Variants in KDM4C observed in about 807,000 individuals in gnomAD.
The protein encoded by KDM4C is lysine demethylase 4C, also known as lysine-specific demethylase 4C.
A neutral mutation model predicts 129.3 loss-of-function variants in KDM4C; 81 were observed. The ratio of observed to expected loss-of-function variants is 0.63; its 90% CI spans 0.52 to 0.75. The LOEUF (loss-of-function observed/expected upper bound fraction) is 0.75, where lower values mean the gene tolerates loss of function less well. Ranked by LOEUF, KDM4C falls within the 30% of genes least tolerant of loss-of-function variation. The pLI, the probability that KDM4C is intolerant of heterozygous loss-of-function variation, is 0.00. For missense variants in KDM4C, 1,457 were observed against 1,304.0 expected, an observed-to-expected ratio of 1.12 and a Z score of -1.81; for synonymous variants, 573 against 456.1, an observed-to-expected ratio of 1.26 and a Z score of -3.26.
At chr9:7,017,731 A>G (rs1823942574) in intron 15 of KDM4C, among the ~76,000 whole-genome samples, 1 of 152,202 alleles carries the variant, frequency 6.6e-6, no homozygotes, top group Non-Finnish European at 1.5e-5. Flanking sequence ...AGCAGCATTT[A>G]CTTTATTCCT....
intron 18 of KDM4C, among the ~76,000 whole-genome samples, chr9:7,123,966 C>T (rs1475605228): frequency 6.6e-6 from 1 of 152,186 alleles, no homozygotes; most frequent in Non-Finnish European, 1.5e-5. Context: ...GTTGACTCAC[C>T]TGAGCTGAAG....
chr9:7,103,619 T>G, intron 17 of KDM4C, 66 bp from the exon 18 acceptor site: 1 of 1,244,318 alleles, frequency 8.0e-7, no homozygotes, highest in Non-Finnish European at 1.2e-6. Flanking sequence ...TATTGTTCTG[T>G]AAATTGTGGG....
At chr9:6,744,335 C>G (rs546462836) in intron 1 of KDM4C, among the ~76,000 whole-genome samples, 3 of 152,184 alleles carry the variant, frequency 2.0e-5, no homozygotes, top group Admixed American at 6.6e-5. Flanking sequence ...ACCATCCTGG[C>G]TAACATGGTG....
intron 19 of KDM4C, among the ~76,000 whole-genome samples, chr9:7,130,063 T>C (rs936222346): frequency 4.6e-5 from 7 of 152,246 alleles, no homozygotes; most frequent in Middle Eastern, 6.8e-3. Flanking sequence ...TGAAAAGCCA[T>C]TGGTAGAATG....
chr9:7,151,565 T>C (rs1564182287), intron 19 of KDM4C, among the ~76,000 whole-genome samples: 1 of 152,036 alleles, frequency 6.6e-6, no homozygotes, highest in African/African-American at 2.4e-5. Context: ...TTCTCAGCTA[T>C]TTGGGAGGCT....
intron 8 of KDM4C, among the ~76,000 whole-genome samples, chr9:6,962,503 T>C (rs1298213754): frequency 6.6e-6 from 1 of 152,234 alleles, no homozygotes; most frequent in Non-Finnish European, 1.5e-5. Flanking sequence ...AAACAAAGTA[T>C]GAGCAATGAT....
At chr9:7,163,182 C>T (rs1003561727) in intron 19 of KDM4C, among the ~76,000 whole-genome samples, 3 of 151,956 alleles carry the variant, frequency 2.0e-5, no homozygotes, top group African/African-American at 7.3e-5. Context: ...TTGCAGGCAC[C>T]CTTAGTACCT....
intron 1 of KDM4C, chr9:6,734,619 ATT>A (rs1563917003): frequency 4.0e-6 from 1 of 251,268 alleles, no homozygotes; most frequent in African/African-American, 2.3e-5. Flanking sequence ...CTTGCCCTTT[ATT>A]AGCATTTGGA....
chr9:6,983,475 G>T (rs1817117378), intron 9 of KDM4C, among the ~76,000 whole-genome samples: 2 of 152,022 alleles, frequency 1.3e-5, no homozygotes, highest in South Asian at 4.1e-4. Flanking sequence ...GGTGGCTCAT[G>T]CCTGTTATCC....
At chr9:6,919,223 C>T (rs12684965) in intron 8 of KDM4C, among the ~76,000 whole-genome samples, 47,113 of 97,360 alleles carry the variant, frequency 0.48, 12,534 homozygotes, top group Non-Finnish European at 0.53. Context: ...TTTCTTTTTC[C>T]TTCTTTCTTT....
At chr9:6,836,807 T>A (rs1835961631) in intron 4 of KDM4C, among the ~76,000 whole-genome samples, 1 of 152,226 alleles carries the variant, frequency 6.6e-6, no homozygotes. Flanking sequence ...CTGTATAATA[T>A]TCTACTTTGT....
intron 8 of KDM4C, among the ~76,000 whole-genome samples, chr9:6,916,646 G>A (rs1269533587): frequency 6.6e-6 from 1 of 152,114 alleles, no homozygotes; most frequent in Non-Finnish European, 1.5e-5. Flanking sequence ...TTAGTTACAG[G>A]CAAGATAATT....
chr9:7,061,142 A>T (rs753435521), intron 17 of KDM4C, among the ~76,000 whole-genome samples: 4 of 152,196 alleles, frequency 2.6e-5, no homozygotes, highest in Admixed American at 2.0e-4. Flanking sequence ...GGTCAGTTGC[A>T]CTATACAGAT....
chr9:6,756,252 A>G (rs998078594), upstream of KDM4C, among the ~76,000 whole-genome samples: 8 of 152,236 alleles, frequency 5.3e-5, no homozygotes, highest in African/African-American at 1.9e-4. Context: ...ATTTATTAAT[A>G]CATGTGAAGC....
rs115001732 is a variant in KDM4C, at chr9:6,899,864, G to A, written c.921+6632G>A. On this transcript the variant is annotated intron_variant, in intron 8 of 21. Transcript: ENST00000381309. ...TATGGGATTTGAAAGGAAGTGATAAGCCTCATGATGCTGATGTTTAGTTCT... is the reference window on the plus strand; with the variant it reads ...TATGGGATTTGAAAGGAAGTGATAAACCTCATGATGCTGATGTTTAGTTCT... 5.2e-3 allele frequency among the ~76,000 whole-genome samples: 793 copies of A among 152,222 alleles called. 5 individuals are homozygous for A. The highest frequency in any genetic ancestry group is 0.017 in the African/African-American group (725 of 41,532).
chr9:6,950,342 T>G (rs770260780), intron 8 of KDM4C, among the ~76,000 whole-genome samples: 9 of 152,154 alleles, frequency 5.9e-5, no homozygotes, highest in Non-Finnish European at 1.3e-4. Flanking sequence ...GAAATCTATG[T>G]TTAGAATGAA....
At chr9:6,908,794 T>A (rs2131056073) in intron 8 of KDM4C, among the ~76,000 whole-genome samples, 2 of 152,290 alleles carry the variant, frequency 1.3e-5, no homozygotes, top group South Asian at 4.1e-4. Flanking sequence ...ACAGGTAATA[T>A]CATCTTGGGC....
At chr9:7,108,135 A>C (rs182936999) in intron 18 of KDM4C, among the ~76,000 whole-genome samples, 2 of 152,156 alleles carry the variant, frequency 1.3e-5, no homozygotes, top group Non-Finnish European at 2.9e-5. Context: ...AAACTTGTCT[A>C]GGATCTTGTT....
intron 5 of KDM4C, among the ~76,000 whole-genome samples, chr9:6,873,819 C>A (rs1273243890): frequency 6.6e-6 from 1 of 152,116 alleles, no homozygotes; most frequent in Non-Finnish European, 1.5e-5. Context: ...TTTCAAAATG[C>A]CCTCCTTACT....
Sources: gnomAD v4.1 joint callset for allele counts (sites outside exome capture counted in the v4.1 genomes callset) on GRCh38, gnomAD v4.1.1 for gene constraint, MANE v1.5 for transcripts, NCBI Gene and HGNC (gene_info 2026-07-23, HGNC 2026-07-21) for gene names.